FREM1: variants seen among roughly 807,000 people sequenced by gnomAD.
FREM1 encodes the protein FRAS1-related extracellular matrix protein 1.
Under a neutral mutation model 210.1 loss-of-function variants are expected in FREM1, and 220 were observed. The observed-to-expected ratio is 1.05, with a 90% CI of 0.94 to 1.17. The LOEUF is 1.17. Ranked by LOEUF, FREM1 falls within the 50% of genes most tolerant of loss-of-function variation. The pLI, the probability that FREM1 is intolerant of heterozygous loss-of-function variation, is 0.00. For synonymous variants in FREM1, 1,189 were observed against 980.2 expected, an observed-to-expected ratio of 1.21 and a Z score of -3.98; for missense variants, 3,454 against 2,675.5, an observed-to-expected ratio of 1.29 and a Z score of -6.42.
At chr9:14,892,614 T>C (rs62534800) in intron 1 of FREM1, among the ~76,000 whole-genome samples, 12,459 of 152,102 alleles carry the variant, frequency 0.082, 816 homozygotes, top group East Asian at 0.28. Context: ...CACTCTTTGC[T>C]GATGGCTGTG....
At position 14,845,982 on chromosome 9, in the gene FREM1, CT is replaced by C. The variant is rs867942666; in HGVS notation, c.1370del (p.Gln457ArgfsTer5). Reference protein sequence around the residue: ...AVRLVTVGGLQHGWLTLRGGK... With the variant: ...AVRLVTVGGLXHGWLTLRGGK... ...CACCTCTTAAAGTCAGCCATCCATG[CT>C]GCAGGCCACCAACGGTGACTAGCCG... is the stretch of plus-strand genomic sequence containing the variant. On this transcript the variant is annotated frameshift_variant, in exon 8 of 37. Coordinates refer to ENST00000380880, the MANE Select transcript of FREM1 (RefSeq NM_001379081.2). LOFTEE classifies it high-confidence loss of function. 1.1e-5 allele frequency: 17 copies of C among 1,613,506 alleles called. No homozygotes were observed. The highest frequency in any genetic ancestry group is 1.4e-5 in the Non-Finnish European group (17 of 1,179,718).
intron 3 of FREM1, among the ~76,000 whole-genome samples, chr9:14,860,818 CATATATACATATATACGT>C (rs1564102083): frequency 1.7e-4 from 8 of 48,084 alleles, no homozygotes; most frequent in East Asian, 1.1e-3. Flanking sequence ...CATATATACA[CATATATACATATATACGT>C]ATATATACAT....
At chr9:14,816,467 C>A (rs1820325710) in intron 15 of FREM1, among the ~76,000 whole-genome samples, 1 of 152,098 alleles carries the variant, frequency 6.6e-6, no homozygotes, top group Non-Finnish European at 1.5e-5. Context: ...TGAAAACTTG[C>A]AACAGTGTTG....
At position 14,859,447 on chromosome 9, in the gene FREM1, G is replaced by A; in HGVS notation, c.367C>T (p.Leu123=). 1 of 1,613,512 alleles carries A rather than the reference G, an allele frequency of 6.2e-7. No individual in the cohort carries two copies. The highest frequency in any genetic ancestry group is 8.5e-7 in the Non-Finnish European group (1 of 1,179,662). ...ERDTFIETFI[L]WVYLLEPDCN... The stretch of plus-strand genomic sequence containing the variant: ...TCTGGTTCCAGGAGATAGACCCACA[G>A]GATAAAAGTTTCTATGAAGGTATCT... Residue 123 remains leucine (L), a synonymous_variant, in exon 4 of 37, where the codon CTG becomes TTG. Coordinates refer to ENST00000380880, the MANE Select transcript of FREM1 (RefSeq NM_001379081.2).
intron 16 of FREM1, among the ~76,000 whole-genome samples, chr9:14,809,813 C>G (rs980529305): frequency 3.3e-5 from 5 of 152,164 alleles, no homozygotes; most frequent in Admixed American, 2.0e-4. Flanking sequence ...AAAGACCACA[C>G]TATGCGTCAG....
chr9:14,808,595 G>A (rs576837626), intron 16 of FREM1, among the ~76,000 whole-genome samples: 375 of 152,290 alleles, frequency 2.5e-3, no homozygotes, highest in Non-Finnish European at 3.0e-3. Context: ...TATGAGAAAC[G>A]AGGATGTTGA....
chr9:14,900,595 G>A (rs1291947458), intron 1 of FREM1, among the ~76,000 whole-genome samples: 3 of 152,124 alleles, frequency 2.0e-5, no homozygotes, highest in East Asian at 1.9e-4. Context: ...GGGCTGGGAA[G>A]AGGAGAGGAA....
chr9:14,751,214 A>G (rs1040208404), intron 29 of FREM1, among the ~76,000 whole-genome samples: 2 of 152,230 alleles, frequency 1.3e-5, no homozygotes, highest in African/African-American at 2.4e-5. Flanking sequence ...GAATAAACAC[A>G]GTAAACTTAT....
At chr9:14,880,392 T>A (rs1834572354) in intron 1 of FREM1, among the ~76,000 whole-genome samples, 1 of 151,916 alleles carries the variant, frequency 6.6e-6, no homozygotes, top group Admixed American at 6.6e-5. Context: ...TCACCTGAAG[T>A]CAGGAGTTCG....
At chr9:14,784,294 G>A in intron 24 of FREM1, 76 bp downstream of exon 24, 2 of 1,354,504 alleles carry the variant, frequency 1.5e-6, no homozygotes, top group East Asian at 2.3e-5. Context: ...TTACTATAGT[G>A]AAGCACATTA....
At chr9:14,778,747 A>AGGGGAGGGAAGGGAAGGGAAG (rs1563908155) in intron 24 of FREM1, among the ~76,000 whole-genome samples, 1 of 135,262 alleles carries the variant, frequency 7.4e-6, no homozygotes. Context: ...AGGGAAGGGA[A>AGGGGAGGGAAGGGAAGGGAAG]GGAAAGGAAA....
At chr9:14,891,602 T>A (rs17222108) in intron 1 of FREM1, among the ~76,000 whole-genome samples, 1 of 152,014 alleles carries the variant, frequency 6.6e-6, no homozygotes, top group African/African-American at 2.4e-5. Context: ...AGTGCAGTAA[T>A]GGTGAGATAT....
chr9:14,829,894 G>T (rs138442930), intron 10 of FREM1, among the ~76,000 whole-genome samples: 1 of 152,074 alleles, frequency 6.6e-6, no homozygotes, highest in African/African-American at 2.4e-5. Flanking sequence ...GAAAAAGGGA[G>T]AATAAAAATA....
At chr9:14,813,333 A>C (rs574349028) in intron 15 of FREM1, among the ~76,000 whole-genome samples, 1 of 152,220 alleles carries the variant, frequency 6.6e-6, no homozygotes, top group Non-Finnish European at 1.5e-5. Flanking sequence ...ATTTGTTTCT[A>C]GACAGAAAAA....
chr9:14,741,931 G>T (rs1841644311), intron 35 of FREM1, among the ~76,000 whole-genome samples: 1 of 152,100 alleles, frequency 6.6e-6, no homozygotes, highest in South Asian at 2.1e-4. Flanking sequence ...TACAATTTCG[G>T]TTTTCTTTTT....
chr9:14,819,281 A>T lies in FREM1; in HGVS notation c.2499T>A (p.Asn833Lys), dbSNP rs1390171940. 1 of 1,613,834 alleles carries T rather than the reference A, an allele frequency of 6.2e-7. No homozygotes were observed. The highest frequency in any genetic ancestry group is 8.5e-7 in the Non-Finnish European group (1 of 1,179,804). Residue 833 changes from asparagine (N) to lysine (K), a missense_variant, in exon 14 of 37, where the codon AAT (asparagine) becomes AAA (lysine). Coordinates refer to ENST00000380880, the MANE Select transcript of FREM1 (RefSeq NM_001379081.2). The stretch of plus-strand genomic sequence containing the variant: ...CGCCCCAAGAAAATGTGCCCCCTGA[A>T]TTTAGAGGAAATCCATTCAGCTCCA... ...GRVELNGFPL[N>K]SGGTFSWGDL... is the part of the protein sequence containing the mutation.
At chr9:14,873,661 A>G (rs1429644543) in intron 1 of FREM1, among the ~76,000 whole-genome samples, 4 of 151,834 alleles carry the variant, frequency 2.6e-5, no homozygotes, top group East Asian at 3.9e-4. Context: ...TTGTGTCTCT[A>G]TTTCCTTCAG....
intron 3 of FREM1, 23 bp downstream of exon 3, chr9:14,863,786 A>C (rs893858953): frequency 6.9e-7 from 1 of 1,444,214 alleles, no homozygotes; most frequent in African/African-American, 1.4e-5. Flanking sequence ...GCAGCAAATG[A>C]GCGATGTTCC....
At chr9:14,739,083 T>C (rs1354067360) in intron 36 of FREM1, among the ~76,000 whole-genome samples, 1 of 148,536 alleles carries the variant, frequency 6.7e-6, no homozygotes, top group Non-Finnish European at 1.5e-5. Context: ...AAAGAGGGAA[T>C]AAAATTAAAA....
Sources: gnomAD v4.1 joint callset for allele counts (sites outside exome capture counted in the v4.1 genomes callset) on GRCh38, gnomAD v4.1.1 for gene constraint, MANE v1.5 for transcripts, NCBI Gene and HGNC (gene_info 2026-07-23, HGNC 2026-07-21) for gene names.